The following FBXO3 variants were observed in gnomAD, a reference collection of about 807,000 sequenced individuals.
FBXO3 encodes the protein F-box protein 3, also known as F-box only protein 3.
In FBXO3, 17 loss-of-function variants were observed where a neutral mutation model predicts 64.8. The ratio of observed to expected loss-of-function variants is 0.26; its 90% CI spans 0.18 to 0.39. The LOEUF is 0.39. FBXO3 is among the 10% of genes least tolerant of loss of function. FBXO3 has a pLI of 1.00. For synonymous variants in FBXO3, 182 were observed against 201.6 expected (o/e 0.90, Z 0.82); for missense variants, 420 against 589.9 (o/e 0.71, Z 2.98).
Position 33,755,788 on chromosome 11 carries a change from C to T in FBXO3, c.661G>A (p.Val221Ile), listed in dbSNP as rs1402954. ...EAAEGRNKNE[V>I]FYQCPDQMAR... is the part of the protein sequence containing the mutation. ...CTACTTACTGGACATTGGTAGAAAA[C>T]TTCATTTTTGTTTCGGCCCTCTGCA... The change falls in exon 5 of 11, where the codon GTT (valine) becomes ATT (isoleucine). Residue 221 changes from valine to isoleucine, a missense_variant. Physicochemically the swap from Val to Ile is conservative, Grantham distance 29 (BLOSUM62 3). Transcript: ENST00000265651. The T allele has an allele frequency of 0.08, 128,631 of 1,613,120 alleles. 5,953 individuals carry two copies. The highest frequency in any genetic ancestry group is 0.093 in the Non-Finnish European group (109,712 of 1,179,208).
rs1005473453 is a variant in FBXO3, at chr11:33,743,103, T to G, written c.1240-1019A>C. The G allele has an allele frequency of 1.3e-5, 2 of 152,202 alleles. No homozygotes were observed. Among genetic ancestry groups the G allele is most frequent in the African/African-American group, 4.8e-5 (2 of 41,442 alleles). 9.4% of individuals were successfully genotyped at this position (152,202 alleles called of 1,614,324 possible). On this transcript the variant is annotated intron_variant, in intron 10 of 10. Coordinates refer to ENST00000265651, the MANE Select transcript of FBXO3 (RefSeq NM_012175.4). The surrounding 1 kb of genome is among the most constrained non-coding windows in gnomAD (Gnocchi z 4.6). Reference sequence around the variant, plus strand: ...CTTCATGGTAGCTGGACTTCTTACATGGTGGCTCAGGGTGTCAAAGACACA... The same window carrying G: ...CTTCATGGTAGCTGGACTTCTTACAGGGTGGCTCAGGGTGTCAAAGACACA...
At chr11:33,754,536 AT>A in intron 5 of FBXO3, 36 bp from the exon 6 acceptor site, 1 of 1,516,284 alleles carries the variant, frequency 6.6e-7, no homozygotes, top group Non-Finnish European at 8.9e-7. Flanking sequence ...ATAAAAACAC[AT>A]TTTACTTAAT....
rs757065450 is a variant in FBXO3 at position 33,747,149 on chromosome 11, C to T, written c.1220G>A (p.Arg407Lys). The T allele has an allele frequency of 6.2e-7, 1 of 1,609,752 alleles. No homozygotes were observed. Among genetic ancestry groups the T allele is most frequent in the South Asian group, 1.1e-5 (1 of 90,418 alleles). Residue 407 changes from arginine to lysine, a missense_variant, in exon 10 of 11, where the codon AGG becomes AAG. This residue lies in a region of FBXO3 where 337 missense variants were observed against 518.4 expected (regional missense o/e 0.65). Coordinates refer to ENST00000265651, the MANE Select transcript of FBXO3 (RefSeq NM_012175.4). ...PRFHMACPTF[R>K]VSIARLEMGP... ...ACTTACCAATCGGGCTATAGACACC[C>T]TGAATGTTGGACATGCCATATGGAA...
chr11:33,755,648 G>T (rs1402684997), intron 5 of FBXO3, 123 bp downstream of exon 5: 5 of 719,492 alleles, frequency 6.9e-6, no homozygotes, highest in Non-Finnish European at 1.2e-5. Flanking sequence ...AGTTAGAGAG[G>T]TCTATAACTA....
intron 1 of FBXO3, chr11:33,772,728 C>T (rs970535617): frequency 1.3e-5 from 2 of 152,256 alleles, no homozygotes; most frequent in African/African-American, 4.8e-5. Context: ...GGACTGTAAG[C>T]TCCATAAGAG....
At chr11:33,757,656 TAAA>T (rs1170445394) in intron 4 of FBXO3, among the ~76,000 whole-genome samples, 541 of 23,928 alleles carry the variant, frequency 0.023, 7 homozygotes, top group Middle Eastern at 0.05. Flanking sequence ...CACCATCTCT[TAAA>T]AAAAAAAAAA....
chr11:33,771,008 T>C, intron 1 of FBXO3, 178 bp from the exon 2 acceptor site: 1 of 491,672 alleles, frequency 2.0e-6, no homozygotes, highest in Non-Finnish European at 3.6e-6. Flanking sequence ...GTAGTATAAT[T>C]GCCTTGTTAG....
chr11:33,772,810 A>G (rs6484666), intron 1 of FBXO3: 21,424 of 151,328 alleles, frequency 0.14, 2,588 homozygotes, highest in African/African-American at 0.33. Context: ...GCCCTCGGGG[A>G]AAAAAAAATC....
chr11:33,747,041 T>A, intron 10 of FBXO3, 89 bp downstream of exon 10: 1 of 1,552,676 alleles, frequency 6.4e-7, no homozygotes, highest in Non-Finnish European at 8.6e-7. Flanking sequence ...TCTGGAACAC[T>A]ATTTATAAAC....
At chr11:33,762,967 A>G (rs895883286) in intron 3 of FBXO3, among the ~76,000 whole-genome samples, 4 of 152,198 alleles carry the variant, frequency 2.6e-5, no homozygotes, top group African/African-American at 9.6e-5. Context: ...TAAAAAGATA[A>G]GAGGATATTA....
Position 33,768,940 on chromosome 11 carries a change from A to C in FBXO3, c.269T>G (p.Ile90Ser). 1 of 1,614,054 alleles carries C rather than the reference A, an allele frequency of 6.2e-7. No individual in the cohort carries two copies. Among genetic ancestry groups the C allele is most frequent in the Non-Finnish European group, 8.5e-7 (1 of 1,179,896 alleles). Residue 90 changes from isoleucine to serine, a missense_variant, in exon 3 of 11, where the codon ATT (isoleucine) becomes AGT (serine). This residue lies in a region of FBXO3 where 337 missense variants were observed against 518.4 expected (regional missense o/e 0.65). Transcript: ENST00000265651. ...IDTYSDVGRY[I>S]DHYAAIKKAW... ...CTTTTTAATAGCAGCATAATGGTCA[A>C]TGTATCTTCCTACATCAGAGTAAGT...
chr11:33,749,013 C>A, intron 8 of FBXO3, 121 bp from the exon 9 acceptor site: 1 of 495,972 alleles, frequency 2.0e-6, no homozygotes, highest in Non-Finnish European at 3.6e-6. Flanking sequence ...AGAAACCCAA[C>A]CCAAAGTCCA....
chr11:33,763,626 CAAAAA>C (rs33923647), intron 3 of FBXO3, among the ~76,000 whole-genome samples: 11 of 103,016 alleles, frequency 1.1e-4, no homozygotes, highest in African/African-American at 1.4e-4. Context: ...AGAATATCTA[CAAAAA>C]AAAAAAAAAA....
At chr11:33,772,953 G>A (rs923567272) in intron 1 of FBXO3, 2 of 151,442 alleles carry the variant, frequency 1.3e-5, no homozygotes, top group African/African-American at 4.9e-5. Context: ...GAAGAGGTAG[G>A]CAAGGCATTC....
chr11:33,752,353 C>T (rs1854982462), intron 6 of FBXO3, among the ~76,000 whole-genome samples: 4 of 152,150 alleles, frequency 2.6e-5, no homozygotes, highest in Non-Finnish European at 2.9e-5. Context: ...CCATTATTTA[C>T]TGTTAATACA....
chr11:33,769,956 A>G (rs1855473204), intron 2 of FBXO3, among the ~76,000 whole-genome samples: 1 of 151,946 alleles, frequency 6.6e-6, no homozygotes, highest in African/African-American at 2.4e-5. Flanking sequence ...AAAAGTATCA[A>G]AGAACTTACG....
At chr11:33,757,655 T>TCAAAAAAAAA (rs1855136598) in intron 4 of FBXO3, among the ~76,000 whole-genome samples, 1 of 21,016 alleles carries the variant, frequency 4.8e-5, no homozygotes, top group Non-Finnish European at 1.1e-4. Context: ...ACACCATCTC[T>TCAAAAAAAAA]TAAAAAAAAA....
chr11:33,758,370 G>C (rs1369885196), intron 4 of FBXO3, 117 bp downstream of exon 4: 3 of 603,448 alleles, frequency 5.0e-6, no homozygotes, highest in Non-Finnish European at 8.0e-6. Context: ...AAAGGAGAAA[G>C]AGGGAATTCC....
At chr11:33,751,478 C>CTTTAATCCAA in intron 7 of FBXO3, 45 bp downstream of exon 7, 1 of 1,275,422 alleles carries the variant, frequency 7.8e-7, no homozygotes, top group Admixed American at 1.9e-5. Flanking sequence ...TCATTTTTCT[C>CTTTAATCCAA]TGATTTACAA....
Sources: gnomAD v4.1 joint callset for allele counts (sites outside exome capture counted in the v4.1 genomes callset) on GRCh38, gnomAD v4.1.1 for gene constraint, gnomAD v4.1.1 regional missense constraint, Gnocchi (gnomAD v3.1) non-coding constraint, MANE v1.5 for transcripts, NCBI Gene and HGNC (gene_info 2026-07-23, HGNC 2026-07-21) for gene names.